Variants in VOPP1 observed in about 807,000 individuals in gnomAD.
VOPP1 encodes WW domain binding protein VOPP1.
A neutral mutation model predicts 23.5 loss-of-function variants in VOPP1; 8 were observed. The ratio of observed to expected loss-of-function variants is 0.34; its 90% CI spans 0.20 to 0.61. VOPP1 has a LOEUF of 0.61. VOPP1 is among the 20% of genes least tolerant of loss of function. VOPP1 has a pLI of 0.78. For synonymous variants in VOPP1, 83 were observed against 97.3 expected (o/e 0.85, Z 0.86); for missense variants, 174 against 238.1 (o/e 0.73, Z 1.77).
chr7:55,537,741 G>A (rs1260880066), intron 1 of VOPP1: 4 of 1,396,818 alleles, frequency 2.9e-6, no homozygotes, highest in Non-Finnish European at 3.7e-6. Context: ...GCTTGTGACA[G>A]TGTGAAAAGC....
chr7:55,553,297 A>T (rs1797687683), intron 1 of VOPP1, among the ~76,000 whole-genome samples: 1 of 152,162 alleles, frequency 6.6e-6, no homozygotes, highest in African/African-American at 2.4e-5. Context: ...ATTGGGGAGA[A>T]ATTTTCATTT....
chr7:55,543,922 G>A (rs4339591), intron 1 of VOPP1, among the ~76,000 whole-genome samples: 91,516 of 152,026 alleles, frequency 0.6, 29,062 homozygotes, highest in Admixed American at 0.69. Flanking sequence ...TGATGTAATC[G>A]TATTTGTCAA....
chr7:55,480,849 G>T (rs1196502803), intron 4 of VOPP1, among the ~76,000 whole-genome samples: 1 of 152,210 alleles, frequency 6.6e-6, no homozygotes, highest in Non-Finnish European at 1.5e-5. Context: ...TCTGGGCACT[G>T]AGGATGTAAC....
At chr7:55,438,565 A>G (rs1049624490) in intron 4 of VOPP1, among the ~76,000 whole-genome samples, 1 of 152,174 alleles carries the variant, frequency 6.6e-6, no homozygotes, top group Non-Finnish European at 1.5e-5. Flanking sequence ...TGGCAGGTGA[A>G]TAAGTGTGGA....
chr7:55,559,005 A>T (rs1204314387), intron 1 of VOPP1, among the ~76,000 whole-genome samples: 1 of 152,198 alleles, frequency 6.6e-6, no homozygotes, highest in Non-Finnish European at 1.5e-5. Flanking sequence ...TAATTATATT[A>T]ATTTTATTTG....
intron 2 of VOPP1, among the ~76,000 whole-genome samples, chr7:55,520,523 A>G (rs1795769415): frequency 1.3e-5 from 2 of 152,204 alleles, no homozygotes; most frequent in Non-Finnish European, 2.9e-5. Context: ...CATTACAGAA[A>G]GACTGGCAGA....
intron 1 of VOPP1, among the ~76,000 whole-genome samples, chr7:55,540,515 C>A (rs1027494693): frequency 6.6e-6 from 1 of 152,188 alleles, no homozygotes; most frequent in African/African-American, 2.4e-5. Context: ...ACCCCATGTG[C>A]CCTCAGGGAG....
At chr7:55,514,924 C>A (rs1795306589) in intron 2 of VOPP1, among the ~76,000 whole-genome samples, 1 of 152,166 alleles carries the variant, frequency 6.6e-6, no homozygotes, top group Admixed American at 6.5e-5. Flanking sequence ...GAGCTGGGGC[C>A]GTGCAGTGCT....
intron 1 of VOPP1, among the ~76,000 whole-genome samples, chr7:55,540,341 T>C (rs7802539): frequency 0.2 from 30,655 of 151,328 alleles, 3,453 homozygotes; most frequent in African/African-American, 0.29. Flanking sequence ...GATGTTGCAG[T>C]GAGCCGAGAT....
At chr7:55,442,400 G>A (rs537678690) in intron 4 of VOPP1, among the ~76,000 whole-genome samples, 20 of 152,272 alleles carry the variant, frequency 1.3e-4, no homozygotes, top group African/African-American at 4.3e-4. Flanking sequence ...GCAAAGCAAC[G>A]CCAGAAGACG....
At chr7:55,445,272 C>T (rs80248052) in intron 4 of VOPP1, among the ~76,000 whole-genome samples, 2 of 58,482 alleles carry the variant, frequency 3.4e-5, no homozygotes, top group Non-Finnish European at 8.2e-5. Context: ...CAGACATACA[C>T]ACACAGACAC....
At chr7:55,485,631 C>T (rs1460326780) in intron 4 of VOPP1, among the ~76,000 whole-genome samples, 3 of 152,252 alleles carry the variant, frequency 2.0e-5, no homozygotes, top group Non-Finnish European at 4.4e-5. Flanking sequence ...TGCCTCATAA[C>T]CCCGGCTGTC....
rs558455058 is a variant in VOPP1 at position 55,450,231 on chromosome 7, TC to T, written n.418-14058del. Among the ~76,000 whole-genome samples the T allele has an allele frequency of 5.9e-5, 9 of 152,214 alleles. 2 individuals carry two copies. The South Asian group carries it at 1.9e-3, about 32-fold the overall frequency. ...ACCTCAGGCTGGTCCTAGTGTTACC[TC>T]CCCGACCTGGGGGTGTTCTTGAGGT... On this transcript the variant is annotated intron_variant and non_coding_transcript_variant, in intron 4 of 4. Coordinates refer to the VOPP1 transcript ENST00000462326.
intron 1 of VOPP1, among the ~76,000 whole-genome samples, chr7:55,555,900 T>C (rs1797783883): frequency 6.6e-6 from 1 of 152,140 alleles, no homozygotes; most frequent in Admixed American, 6.5e-5. Flanking sequence ...ACAAAGCAAA[T>C]AAATATAAAC....
chr7:55,493,427 G>T (rs1479495302), intron 3 of VOPP1, among the ~76,000 whole-genome samples: 1 of 152,234 alleles, frequency 6.6e-6, no homozygotes, highest in Non-Finnish European at 1.5e-5. Flanking sequence ...ACATATAAAA[G>T]AAGCTCTTAA....
intron 1 of VOPP1, among the ~76,000 whole-genome samples, chr7:55,522,748 G>A (rs1795947738): frequency 6.6e-6 from 1 of 152,226 alleles, no homozygotes; most frequent in Non-Finnish European, 1.5e-5. Flanking sequence ...CGCAGAGACA[G>A]GCCACAGCCA....
intron 2 of VOPP1, among the ~76,000 whole-genome samples, chr7:55,511,561 A>G (rs975047210): frequency 3.3e-5 from 5 of 152,230 alleles, no homozygotes; most frequent in African/African-American, 9.7e-5. Context: ...GGAAAATTCA[A>G]GCTGAAACTC....
chr7:55,435,768 C>A (rs1038843613), downstream of VOPP1, among the ~76,000 whole-genome samples: 1 of 152,244 alleles, frequency 6.6e-6, no homozygotes, highest in South Asian at 2.1e-4. Flanking sequence ...GTTCCCAGCT[C>A]CCTCTCCCGT....
At chr7:55,459,186 G>C (rs1233686871) in intron 4 of VOPP1, among the ~76,000 whole-genome samples, 1 of 151,912 alleles carries the variant, frequency 6.6e-6, no homozygotes. Flanking sequence ...TTATTGATTT[G>C]CATGTGTTAA....
Sources: allele counts gnomAD v4.1 joint callset (sites outside exome capture counted in the v4.1 genomes callset), GRCh38; gene constraint gnomAD v4.1.1; transcripts MANE v1.5; gene names NCBI Gene and HGNC (gene_info 2026-07-23, HGNC 2026-07-21).